HMCN2: variants seen among roughly 807,000 people sequenced by gnomAD.
HMCN2 encodes the protein hemicentin-2.
HMCN2 carries 325 observed loss-of-function variants against 377.5 expected under a neutral mutation model. The ratio of observed to expected loss-of-function variants is 0.86; its 90% confidence interval spans 0.79 to 0.94. The LOEUF (loss-of-function observed/expected upper bound fraction) is 0.94. Ranked by LOEUF, HMCN2 falls within the 40% of genes least tolerant of loss-of-function variation. HMCN2 has a pLI of 0.00. For missense variants in HMCN2, 4,543 were observed against 4,725.3 expected (o/e 0.96, Z 1.13); for synonymous variants, 2,007 against 2,046.8 (o/e 0.98, Z 0.53).
At chr9:130,373,879 C>CATGGATGGATGG (rs146554897) in intron 48 of HMCN2, among the ~76,000 whole-genome samples, 3 of 130,454 alleles carry the variant, frequency 2.3e-5, no homozygotes, top group African/African-American at 3.2e-5. Context: ...TGGATGGGTG[C>CATGGATGGATGG]ATGGATGGAT....
At chr9:130,374,466 C>G (rs1286044597) in intron 48 of HMCN2, 36 bp from the exon 49 acceptor site, 1 of 979,740 alleles carries the variant, frequency 1.0e-6, no homozygotes, top group Non-Finnish European at 1.2e-6. Flanking sequence ...CTAGTCAAAG[C>G]CTGCCAAATT....
intron 15 of HMCN2, among the ~76,000 whole-genome samples, chr9:130,317,252 G>A (rs1473460121): frequency 2.0e-5 from 3 of 152,126 alleles, no homozygotes; most frequent in African/African-American, 4.8e-5. Context: ...TCATCTCTCC[G>A]ACTTTTAGTT....
intron 4 of HMCN2, among the ~76,000 whole-genome samples, chr9:130,287,551 TAAAAAAAAAAA>T (rs142931668): frequency 4.3e-5 from 4 of 93,304 alleles, no homozygotes; most frequent in Admixed American, 2.4e-4. Context: ...AACTCTGTCT[TAAAAAAAAAAA>T]AAAAAAAAAA....
chr9:130,398,499 C>T (rs1162089011), intron 74 of HMCN2, 52 bp from the exon 75 acceptor site: 3 of 1,063,566 alleles, frequency 2.8e-6, no homozygotes, highest in Admixed American at 7.4e-5. Flanking sequence ...TCAGAGAGCC[C>T]CCAGCCCCTG....
Position 130,393,146 on chromosome 9 carries a change from C to T in HMCN2, c.10137-66C>T. 5 of 944,062 alleles carry T rather than the reference C, an allele frequency of 5.3e-6. No homozygotes were observed. Among genetic ancestry groups the T allele is most frequent in the Non-Finnish European group, 6.3e-6 (5 of 790,046 alleles). The allele number at this position is 944,062 out of a possible 1,614,324, so 58.5% of individuals were successfully genotyped here. A position where few individuals can be genotyped will look rare whatever the true frequency, so the allele number is the denominator to read the frequency against. On this transcript the variant is annotated intron_variant, in intron 66 of 97. Transcript: ENST00000683500. The surrounding 1 kb of genome is among the most constrained non-coding windows in gnomAD (Gnocchi z 5.2). ...CAGCCAGCCTCTCCTGTCTCTCTCCCTTTCTCTTCCTCTCTCTCTCTCCCT... is the reference window on the plus strand; with the variant it reads ...CAGCCAGCCTCTCCTGTCTCTCTCCTTTTCTCTTCCTCTCTCTCTCTCCCT...
intron 25 of HMCN2, among the ~76,000 whole-genome samples, chr9:130,343,528 C>G (rs1031972823): frequency 1.8e-4 from 28 of 152,294 alleles, no homozygotes; most frequent in African/African-American, 6.5e-4. Context: ...CCCACCTGGC[C>G]CCCCGACCCT....
chr9:130,336,156 A>G (rs1314129322), intron 22 of HMCN2, among the ~76,000 whole-genome samples: 1 of 152,190 alleles, frequency 6.6e-6, no homozygotes, highest in East Asian at 1.9e-4. Context: ...GGAAAGAAGG[A>G]AGAGATAAAG....
intron 4 of HMCN2, among the ~76,000 whole-genome samples, chr9:130,287,128 A>T (rs947508): frequency 6.6e-6 from 1 of 151,976 alleles, no homozygotes; most frequent in South Asian, 2.1e-4. Flanking sequence ...AGCTTTCCGG[A>T]GCCTACACAA....
At position 130,398,607 on chromosome 9, in the gene HMCN2, G is replaced by A. The variant is rs1385563917; in HGVS notation, c.11383G>A (p.Ala3795Thr). The change falls in exon 75 of 98, where the codon GCC (alanine) becomes ACC (threonine). Residue 3795 changes from alanine (A) to threonine (T), a missense_variant. By Grantham distance (58) the Ala-to-Thr change is moderately conservative (BLOSUM62 0). Around this residue, in one of 5 missense-constraint regions of HMCN2, gnomAD observed 1,073 missense variants for 1,319.5 expected, o/e 0.81. Transcript: ENST00000683500. ...SNLTLTAHTP[A>T]LLPCEASGSP... ...CCTGACCCTGACCGCCCACACCCCAGCCTTGCTGCCCTGCGAGGCCAGCGG... is the reference window on the plus strand; with the variant it reads ...CCTGACCCTGACCGCCCACACCCCAACCTTGCTGCCCTGCGAGGCCAGCGG... 1.7e-5 allele frequency: 22 copies of A among 1,286,028 alleles called. No individual in the cohort carries two copies. In the East Asian group the frequency reaches 1.2e-3, roughly 68 times the overall value. The allele number at this position is 1,286,028 out of a possible 1,614,324, so 79.7% of individuals were successfully genotyped here.
At chr9:130,378,922 C>G (rs1841547528) in intron 53 of HMCN2, among the ~76,000 whole-genome samples, 1 of 152,170 alleles carries the variant, frequency 6.6e-6, no homozygotes, top group Non-Finnish European at 1.5e-5. Context: ...GATTTTGTGC[C>G]TCTATGCTCT....
intron 21 of HMCN2, among the ~76,000 whole-genome samples, chr9:130,327,033 C>T (rs1300944958): frequency 6.6e-6 from 1 of 151,644 alleles, no homozygotes. Flanking sequence ...AGAGAAGGCA[C>T]AGACCGTAGG....
chr9:130,393,911 G>A lies in HMCN2; in HGVS notation c.10404G>A (p.Gln3468=), dbSNP rs987117093. The change falls in exon 68 of 98, where the codon CAG becomes CAA. Residue 3468 remains glutamine, a synonymous_variant. Coordinates refer to ENST00000683500, the MANE Select transcript of HMCN2 (RefSeq NM_001291815.2). This position sits in a 1 kb window ranked among gnomAD's most constrained non-coding sequence, Gnocchi z 5.2. ...GCCTCGAGCAGGGGCCCAGCCTGCA[G>A]CTGGAGGCAGTGGGAGCTGGTGACT... ...SQSLEQGPSL[Q]LEAVGAGDSG... The A allele has an allele frequency of 7.0e-6, 9 of 1,289,350 alleles. No homozygotes were observed. In the African/African-American group the frequency reaches 1.2e-4, roughly 17 times the overall value. 79.9% of individuals were successfully genotyped at this position (1,289,350 alleles called of 1,614,324 possible). A position where few individuals can be genotyped will look rare whatever the true frequency, so the allele number is the denominator to read the frequency against.
chr9:130,279,676 A>G (rs141703502), intron 1 of HMCN2, among the ~76,000 whole-genome samples: 1 of 152,208 alleles, frequency 6.6e-6, no homozygotes, highest in Non-Finnish European at 1.5e-5. Flanking sequence ...TGTTTGGCAC[A>G]TAGGTTGTGG....
chr9:130,267,161 G>C (rs1294238175), intron 1 of HMCN2, among the ~76,000 whole-genome samples: 2 of 151,668 alleles, frequency 1.3e-5, no homozygotes, highest in Non-Finnish European at 2.9e-5. Context: ...GCCCAGGCTA[G>C]TCTCAAACTC....
At chr9:130,315,957 C>A (rs1837541482) in intron 15 of HMCN2, among the ~76,000 whole-genome samples, 1 of 152,228 alleles carries the variant, frequency 6.6e-6, no homozygotes, top group African/African-American at 2.4e-5. Context: ...TACCATCACA[C>A]TGGGGCTCAG....
chr9:130,314,443 C>T (rs887020058), intron 15 of HMCN2, among the ~76,000 whole-genome samples: 4 of 152,218 alleles, frequency 2.6e-5, no homozygotes, highest in Non-Finnish European at 4.4e-5. Flanking sequence ...TGTCTTTGTG[C>T]CAGTGCAGTT....
rs1038153171 is a variant in HMCN2, at chr9:130,392,074, G to A, written c.10092G>A (p.Pro3364=). ...GGCTCAAGGACGGCCTGCCCCTCCC[G>A]CTCTCCCAGCGCACCCTCCTCCACG... ...VSWLKDGLPL[P]LSQRTLLHGS... Residue 3364 remains proline, a synonymous_variant, in exon 66 of 98, where the codon CCG becomes CCA. Coordinates refer to ENST00000683500, the MANE Select transcript of HMCN2 (RefSeq NM_001291815.2). The A allele has an allele frequency of 1.5e-5, 15 of 988,460 alleles. No individual in the cohort carries two copies. In the Middle Eastern group the frequency reaches 8.4e-4, roughly 55 times the overall value. The allele number at this position is 988,460 out of a possible 1,614,324, so 61.2% of individuals were successfully genotyped here.
intron 15 of HMCN2, among the ~76,000 whole-genome samples, chr9:130,316,414 G>T (rs1489005312): frequency 6.6e-6 from 1 of 151,954 alleles, no homozygotes; most frequent in African/African-American, 2.4e-5. Context: ...ATGTGTGGGT[G>T]GGGGAGGGAG....
At chr9:130,326,656 G>A in intron 21 of HMCN2, among the ~76,000 whole-genome samples, 1 of 152,300 alleles carries the variant, frequency 6.6e-6, no homozygotes, top group East Asian at 1.9e-4. Context: ...GGGAGGGCTA[G>A]ATGGGTTTTG....
Sources: allele counts gnomAD v4.1 joint callset (sites outside exome capture counted in the v4.1 genomes callset), GRCh38; gene constraint gnomAD v4.1.1; regional missense constraint gnomAD v4.1.1; non-coding constraint Gnocchi (gnomAD v3.1); transcripts MANE v1.5; gene names NCBI Gene and HGNC (gene_info 2026-07-23, HGNC 2026-07-21).